Variants in ENTREP2 observed in about 807,000 individuals in gnomAD.
ENTREP2 encodes protein ENTREP2.
At chr15:29,378,552 AAAG>A in the ENTREP2 span, among the ~76,000 whole-genome samples, 6 of 152,298 alleles carry the variant, frequency 3.9e-5, no homozygotes, top group Middle Eastern at 3.4e-3. Context: ...CAGTCAGTGG[AAAG>A]AAGAGAAAAT....
At chr15:29,417,780 T>A in the ENTREP2 span, among the ~76,000 whole-genome samples, 2 of 152,196 alleles carry the variant, frequency 1.3e-5, no homozygotes, top group South Asian at 4.1e-4. Context: ...AATCAAGATT[T>A]GATTTTCTCT....
At chr15:29,562,209 T>C in the ENTREP2 span, among the ~76,000 whole-genome samples, 1 of 152,232 alleles carries the variant, frequency 6.6e-6, no homozygotes, top group Admixed American at 6.5e-5. Flanking sequence ...CTCATGTTCC[T>C]GGGTAGGACC....
chr15:29,608,982 A>G, the ENTREP2 span, among the ~76,000 whole-genome samples: 1 of 151,072 alleles, frequency 6.6e-6, no homozygotes, highest in Non-Finnish European at 1.5e-5. Flanking sequence ...ATACTGGTAT[A>G]TCTGGGGTTC....
At chr15:29,371,028 G>GTCATCATCA in the ENTREP2 span, among the ~76,000 whole-genome samples, 2 of 151,612 alleles carry the variant, frequency 1.3e-5, no homozygotes, top group African/African-American at 4.9e-5. Flanking sequence ...TACTGTCGTT[G>GTCATCATCA]TCATCATCAT....
the ENTREP2 span, among the ~76,000 whole-genome samples, chr15:29,250,636 C>T: frequency 6.6e-6 from 1 of 152,180 alleles, no homozygotes; most frequent in South Asian, 2.1e-4. Context: ...CACCCAATCA[C>T]TCTGTCTCCC....
chr15:29,446,584 A>G, the ENTREP2 span, among the ~76,000 whole-genome samples: 1 of 152,192 alleles, frequency 6.6e-6, no homozygotes, highest in Non-Finnish European at 1.5e-5. Flanking sequence ...GTGGGGAGTG[A>G]GATCATGGCT....
At chr15:29,466,976 C>A in the ENTREP2 span, among the ~76,000 whole-genome samples, 1 of 137,754 alleles carries the variant, frequency 7.3e-6, no homozygotes, top group African/African-American at 2.8e-5. Context: ...ATGCTGCAGC[C>A]CCCAGGGGAG....
the ENTREP2 span, among the ~76,000 whole-genome samples, chr15:29,575,331 T>G: frequency 1.3e-5 from 2 of 152,194 alleles, no homozygotes; most frequent in Non-Finnish European, 2.9e-5. Flanking sequence ...ATAGAATTTT[T>G]AAAACTCACT....
At chr15:29,581,349 G>A in the ENTREP2 span, among the ~76,000 whole-genome samples, 1 of 152,156 alleles carries the variant, frequency 6.6e-6, no homozygotes, top group Non-Finnish European at 1.5e-5. Context: ...TATAGACAGT[G>A]AGAGCATACC....
At chr15:29,445,116 T>C in the ENTREP2 span, among the ~76,000 whole-genome samples, 1 of 152,174 alleles carries the variant, frequency 6.6e-6, no homozygotes, top group African/African-American at 2.4e-5. Context: ...TAACACCCAA[T>C]GTGATTGTAT....
the ENTREP2 span, among the ~76,000 whole-genome samples, chr15:29,620,252 A>C: frequency 6.6e-6 from 1 of 152,038 alleles, no homozygotes; most frequent in African/African-American, 2.4e-5. Context: ...ATTGCAGGAG[A>C]AGCTGGTGCC....
the ENTREP2 span, among the ~76,000 whole-genome samples, chr15:29,452,187 C>T: frequency 2.0e-5 from 3 of 152,180 alleles, no homozygotes; most frequent in African/African-American, 7.2e-5. Context: ...GATGAGTGGC[C>T]TCTAGTGTTA....
the ENTREP2 span, among the ~76,000 whole-genome samples, chr15:29,618,392 C>G: frequency 1.3e-5 from 2 of 148,974 alleles, no homozygotes; most frequent in Non-Finnish European, 3.0e-5. Context: ...CATTGCACTC[C>G]AGTTCAGGCG....
the ENTREP2 span, chr15:29,376,990 G>C: frequency 6.6e-6 from 1 of 152,012 alleles, no homozygotes; most frequent in African/African-American, 2.4e-5. Flanking sequence ...TGAGGGATAC[G>C]CCCCTTTCAG....
chr15:29,457,925 G>A, the ENTREP2 span, among the ~76,000 whole-genome samples: 1 of 152,172 alleles, frequency 6.6e-6, no homozygotes. Context: ...CGAACCAAGA[G>A]GACCAGCTGT....
the ENTREP2 span, among the ~76,000 whole-genome samples, chr15:29,171,207 T>C: frequency 1.3e-5 from 2 of 152,200 alleles, no homozygotes; most frequent in East Asian, 1.9e-4. Flanking sequence ...ATATGAACTT[T>C]TGGGGGACTA....
At chr15:29,634,263 TG>T in the ENTREP2 span, among the ~76,000 whole-genome samples, 19 of 152,190 alleles carry the variant, frequency 1.2e-4, no homozygotes, top group Admixed American at 6.5e-4. Flanking sequence ...ACTTGCCCTG[TG>T]GGGTAAGGGT....
At chr15:29,638,929 G>A in the ENTREP2 span, among the ~76,000 whole-genome samples, 1 of 152,208 alleles carries the variant, frequency 6.6e-6, no homozygotes, top group African/African-American at 2.4e-5. Flanking sequence ...ACGGTCAGGG[G>A]CTCTGCTGCT....
At chr15:29,166,360 T>G in the ENTREP2 span, among the ~76,000 whole-genome samples, 5 of 152,210 alleles carry the variant, frequency 3.3e-5, no homozygotes, top group African/African-American at 1.2e-4. Context: ...GCATCCAAGT[T>G]GGTAAAAAGG....
Sources: gnomAD v4.1 joint callset for allele counts (sites outside exome capture counted in the v4.1 genomes callset) on GRCh38, gnomAD v4.1.1 for gene constraint, MANE v1.5 for transcripts, NCBI Gene and HGNC (gene_info 2026-07-23, HGNC 2026-07-21) for gene names.